MATN3: variants seen among roughly 807,000 people sequenced by gnomAD.
The protein encoded by MATN3 is matrilin 3, also known as matrilin-3.
MATN3 carries 48 observed loss-of-function variants against 45.3 expected under a neutral mutation model. The observed-to-expected ratio is 1.06, with a 90% CI of 0.84 to 1.35. The LOEUF (loss-of-function observed/expected upper bound fraction) is 1.35. Among genes scored for constraint, MATN3 ranks in the 40% most tolerant of loss-of-function variants. The pLI is 0.00. For missense variants in MATN3, 599 were observed against 628.0 expected (o/e 0.95, Z 0.49); for synonymous variants, 217 against 245.9 (o/e 0.88, Z 1.10).
At position 19,992,376 on chromosome 2, in the gene MATN3, A is replaced by G. The variant is rs558341094; in HGVS notation, c.*735T>C. ...CGATTTATAGCAATTTTATAAATAT[A>G]TAACTTTGTCACTTGGATCCTGAAG... On this transcript the variant is annotated 3_prime_UTR_variant, in exon 8 of 8. Coordinates refer to ENST00000407540, the MANE Select transcript of MATN3 (RefSeq NM_002381.5). 6.5e-4 allele frequency: 99 copies of G among 152,316 alleles called. No homozygotes were observed. The highest frequency in any genetic ancestry group is 2.1e-3 in the African/African-American group (88 of 41,590). 9.4% of individuals were successfully genotyped at this position (152,316 alleles called of 1,614,324 possible).
intron 5 of MATN3, chr2:19,999,279 T>C (rs1412907345): frequency 6.6e-6 from 1 of 152,146 alleles, no homozygotes; most frequent in East Asian, 1.9e-4. Flanking sequence ...CAGCCATAGG[T>C]GAGTTCTCTC....
At chr2:20,005,375 A>G (rs1673075427) in intron 2 of MATN3, among the ~76,000 whole-genome samples, 1 of 152,154 alleles carries the variant, frequency 6.6e-6, no homozygotes, top group African/African-American at 2.4e-5. Flanking sequence ...ATCAGGGGAA[A>G]AAAATGTAGT....
Position 20,012,369 on chromosome 2 carries a change from C to G in MATN3, c.223+40G>C. On this transcript the variant is annotated intron_variant, in intron 1 of 7. Transcript: ENST00000407540. This position sits in a 1 kb window ranked among gnomAD's most constrained non-coding sequence, Gnocchi z 4.3. Reference sequence around the variant, plus strand: ...TTGGTGGATGCCCTGGGCTTCTCCTCGTTCGATGCTCACGCGTCCCTCCCG... The same window carrying G: ...TTGGTGGATGCCCTGGGCTTCTCCTGGTTCGATGCTCACGCGTCCCTCCCG... 1 of 1,217,940 alleles carries G rather than the reference C, an allele frequency of 8.2e-7. No homozygotes were observed. Among genetic ancestry groups the G allele is most frequent in the South Asian group, 4.3e-5 (1 of 23,492 alleles). The allele number at this position is 1,217,940 out of a possible 1,614,324, so 75.4% of individuals were successfully genotyped here. A position where few individuals can be genotyped will look rare whatever the true frequency, so the allele number is the denominator to read the frequency against.
chr2:19,997,036 G>A, intron 6 of MATN3, 98 bp downstream of exon 6: 1 of 1,317,674 alleles, frequency 7.6e-7, no homozygotes, highest in Non-Finnish European at 1.1e-6. Flanking sequence ...TTCTGACAGG[G>A]AGAAAGAATC....
At position 20,003,143 on chromosome 2, in the gene MATN3, C is replaced by A; in HGVS notation, c.916+18G>T. 1 of 1,613,578 alleles carries A rather than the reference C, an allele frequency of 6.2e-7. No individual in the cohort carries two copies. Among genetic ancestry groups the A allele is most frequent in the Non-Finnish European group, 8.5e-7 (1 of 1,179,632 alleles). The stretch of plus-strand genomic sequence containing the variant: ...CCCAAGTATTTGATTCAGTCACGGC[C>A]CCCTACACAGGCCTCACCTGAACAC... On this transcript the variant is annotated intron_variant, in intron 3 of 7. Transcript: ENST00000407540.
At chr2:19,999,706 T>A (rs1672948418) in intron 5 of MATN3, among the ~76,000 whole-genome samples, 1 of 151,350 alleles carries the variant, frequency 6.6e-6, no homozygotes, top group Non-Finnish European at 1.5e-5. Context: ...AGTCTGTATG[T>A]CCTCAAGGGA....
In MATN3 at chr2:20,000,514, A is replaced by G; in HGVS notation, c.1095T>C (p.Asn365=). 4 of 1,612,830 alleles carry G rather than the reference A, an allele frequency of 2.5e-6. No homozygotes were observed. Among genetic ancestry groups the G allele is most frequent in the Non-Finnish European group, 3.4e-6 (4 of 1,179,336 alleles). ...CACAATGATGGGACCCTGTTCTGTC[A>G]TTCACACAAATGTGCTGACACCCAT... The part of the protein sequence containing the change: ...GTHGCQHICV[N]DRTGSHHCEC... Residue 365 remains asparagine (N), a synonymous_variant, in exon 5 of 8, where the codon AAT becomes AAC. Coordinates refer to ENST00000407540, the MANE Select transcript of MATN3 (RefSeq NM_002381.5).
intron 1 of MATN3, among the ~76,000 whole-genome samples, chr2:20,008,995 G>T (rs546959029): frequency 1.3e-5 from 2 of 152,172 alleles, no homozygotes; most frequent in South Asian, 4.1e-4. Flanking sequence ...GAGGCTGAGG[G>T]AGAAGGATCA....
chr2:20,006,011 T>G lies in MATN3; in HGVS notation c.523A>C (p.Thr175Pro), dbSNP rs370381391. The change falls in exon 2 of 8, where the codon ACA becomes CCA. Residue 175 changes from threonine (T) to proline (P), a missense_variant. Thr to Pro is a conservative substitution (Grantham distance 38). Coordinates refer to ENST00000407540, the MANE Select transcript of MATN3 (RefSeq NM_002381.5). ...AIQTAMDEAF[T>P]VEAGAREPSS... is the part of the protein sequence containing the mutation. ...GGCTCTCGAGCCCCTGCCTCCACTG[T>G]GAAGGCTTCGTCCATTGCTGTCTGG... 5.9e-5 allele frequency: 96 copies of G among 1,613,900 alleles called. No homozygotes were observed. Among genetic ancestry groups the G allele is most frequent in the Non-Finnish European group, 7.7e-5 (91 of 1,179,898 alleles).
chr2:20,007,384 C>T (rs886294289), intron 1 of MATN3, among the ~76,000 whole-genome samples: 1 of 151,734 alleles, frequency 6.6e-6, no homozygotes, highest in African/African-American at 2.4e-5. Context: ...CAAAAATTAG[C>T]GGGTCGTAGT....
rs1673233677 is a variant in MATN3, at chr2:20,012,341, C to G, written c.223+68G>C. The G allele has an allele frequency of 5.1e-6, 6 of 1,167,090 alleles. No homozygotes were observed. In the South Asian group the frequency reaches 2.7e-4, roughly 52 times the overall value. 72.3% of individuals were successfully genotyped at this position (1,167,090 alleles called of 1,614,324 possible). On this transcript the variant is annotated intron_variant, in intron 1 of 7. Transcript: ENST00000407540. This position sits in a 1 kb window ranked among gnomAD's most constrained non-coding sequence, Gnocchi z 4.3. The stretch of plus-strand genomic sequence containing the variant: ...GTCGGCCTGAGGCCGGGATGAAGCG[C>G]GCTTGGTGGATGCCCTGGGCTTCTC...
At chr2:20,002,866 T>C (rs189218235) in intron 3 of MATN3, among the ~76,000 whole-genome samples, 2 of 152,164 alleles carry the variant, frequency 1.3e-5, no homozygotes, top group Admixed American at 1.3e-4. Flanking sequence ...CCTCCCAAAA[T>C]GTGGGAATTA....
Position 19,992,078 on chromosome 2 carries a change from C to A in MATN3, c.*1033G>T, listed in dbSNP as rs1172175421. The A allele has an allele frequency of 2.6e-5, 4 of 151,838 alleles. No individual in the cohort carries two copies. Among genetic ancestry groups the A allele is most frequent in the African/African-American group, 9.7e-5 (4 of 41,420 alleles). The allele number at this position is 151,838 out of a possible 1,614,324, so 9.4% of individuals were successfully genotyped here. ...AATTTAAAGAAATATCTTTAATAGACAAAATTGATGAGTCATCAAAAATAG... is the reference window on the plus strand; with the variant it reads ...AATTTAAAGAAATATCTTTAATAGAAAAAATTGATGAGTCATCAAAAATAG... On this transcript the variant is annotated 3_prime_UTR_variant, in exon 8 of 8. Coordinates refer to ENST00000407540, the MANE Select transcript of MATN3 (RefSeq NM_002381.5).
chr2:19,994,457 T>C, intron 6 of MATN3, 48 bp from the exon 7 acceptor site: 3 of 1,047,412 alleles, frequency 2.9e-6, no homozygotes, highest in Non-Finnish European at 4.3e-6. Context: ...AATAGCTATA[T>C]AGGAATCATA....
intron 7 of MATN3, 50 bp downstream of exon 7, chr2:19,994,249 G>T: frequency 8.3e-7 from 1 of 1,205,202 alleles, no homozygotes. Context: ...CTCGATCGTA[G>T]TACCTTGGTT....
At chr2:19,999,534 G>A (rs1034790250) in intron 5 of MATN3, among the ~76,000 whole-genome samples, 1 of 151,194 alleles carries the variant, frequency 6.6e-6, no homozygotes, top group Non-Finnish European at 1.5e-5. Context: ...CTTGCTCAGA[G>A]GCAGAAACTT....
Position 20,012,666 on chromosome 2 carries a change from G to C in MATN3, c.-35C>G, listed in dbSNP as rs1231703407. The C allele has an allele frequency of 9.4e-7, 1 of 1,061,030 alleles. No individual in the cohort carries two copies. Among genetic ancestry groups the C allele is most frequent in the Non-Finnish European group, 1.2e-6 (1 of 837,552 alleles). 65.7% of individuals were successfully genotyped at this position (1,061,030 alleles called of 1,614,324 possible). A position where few individuals can be genotyped will look rare whatever the true frequency, so the allele number is the denominator to read the frequency against. On this transcript the variant is annotated 5_prime_UTR_variant, in exon 1 of 8. Transcript: ENST00000407540. The surrounding 1 kb of genome is among the most constrained non-coding windows in gnomAD (Gnocchi z 4.3). ...CGTGGGCCTGGTGGTGTCCGTCGGG[G>C]GCCAGGAGCCCACGCGAGGCTCGGA...
At chr2:19,994,032 T>C (rs138180842) in intron 7 of MATN3, among the ~76,000 whole-genome samples, 1 of 152,198 alleles carries the variant, frequency 6.6e-6, no homozygotes. Context: ...ATCTGTTATG[T>C]AAGAGCATCA....
chr2:19,992,809 G>T lies in MATN3; in HGVS notation c.*302C>A. ...TAATATAAACATTTAAAAATTAAAT[G>T]GCTCAATTAGTAGATAAAGAAACAC... is the stretch of plus-strand genomic sequence containing the variant. On this transcript the variant is annotated 3_prime_UTR_variant, in exon 8 of 8. Transcript: ENST00000407540. 1 of 310,286 alleles carries T rather than the reference G, an allele frequency of 3.2e-6. No individual in the cohort carries two copies. Among genetic ancestry groups the T allele is most frequent in the Admixed American group, 5.2e-5 (1 of 19,148 alleles). The allele number at this position is 310,286 out of a possible 1,614,324, so 19.2% of individuals were successfully genotyped here.
Sources: allele counts gnomAD v4.1 joint callset (sites outside exome capture counted in the v4.1 genomes callset), GRCh38; gene constraint gnomAD v4.1.1; non-coding constraint Gnocchi (gnomAD v3.1); transcripts MANE v1.5; gene names NCBI Gene and HGNC (gene_info 2026-07-23, HGNC 2026-07-21).